The following ANO1 variants were observed in gnomAD, a reference collection of about 807,000 sequenced individuals.
The protein encoded by ANO1 is anoctamin 1, also known as anoctamin-1.
In ANO1, 59 loss-of-function variants were observed where a neutral mutation model predicts 124.0. That is an observed-to-expected ratio of 0.48 (90% confidence interval 0.39 to 0.59). The LOEUF (loss-of-function observed/expected upper bound fraction) is 0.59. Ranked by LOEUF, ANO1 falls within the 20% of genes least tolerant of loss-of-function variation. The pLI, the probability that ANO1 is intolerant of heterozygous loss-of-function variation, is 0.00. For synonymous variants in ANO1, 529 were observed against 532.0 expected (o/e 0.99, Z 0.08); for missense variants, 1,059 against 1,328.0 (o/e 0.80, Z 3.15).
chr11:70,171,607 T>G (rs1229415312), intron 22 of ANO1, among the ~76,000 whole-genome samples: 1 of 152,190 alleles, frequency 6.6e-6, no homozygotes, highest in African/African-American at 2.4e-5. Flanking sequence ...ACCCCGTCAC[T>G]AAGACACCTT....
intron 5 of ANO1, among the ~76,000 whole-genome samples, chr11:70,106,987 C>T (rs732849): frequency 0.77 from 117,531 of 152,182 alleles, 45,943 homozygotes; most frequent in Non-Finnish European, 0.82. Flanking sequence ...AGATCCGTTC[C>T]AGAAGGATCA....
At chr11:70,014,632 G>A (rs78973412) in intron 1 of ANO1, among the ~76,000 whole-genome samples, 7,667 of 152,044 alleles carry the variant, frequency 0.05, 643 homozygotes, top group African/African-American at 0.17. Flanking sequence ...CTTGGGGAAC[G>A]TCTGGGAACA....
intron 8 of ANO1, among the ~76,000 whole-genome samples, chr11:70,119,650 G>T (rs2046167545): frequency 6.6e-6 from 1 of 151,494 alleles, no homozygotes; most frequent in Non-Finnish European, 1.5e-5. Context: ...GTGGATGGGT[G>T]GATGATGGAA....
intron 1 of ANO1, among the ~76,000 whole-genome samples, chr11:70,004,247 C>A (rs896924461): frequency 6.6e-6 from 1 of 152,028 alleles, no homozygotes; most frequent in African/African-American, 2.4e-5. Flanking sequence ...TAGACGTGAG[C>A]TTTAGAGTAG....
At chr11:70,175,325 C>T (rs1463625966) in intron 22 of ANO1, among the ~76,000 whole-genome samples, 2 of 152,260 alleles carry the variant, frequency 1.3e-5, no homozygotes, top group South Asian at 2.1e-4. Context: ...CCTCCTTTCA[C>T]GAGTTTGTTT....
Position 70,149,160 on chromosome 11 carries a change from C to T in ANO1, c.1259-550C>T, listed in dbSNP as rs572228910. Among the ~76,000 whole-genome samples the T allele has an allele frequency of 2.0e-5, 3 of 152,198 alleles. No individual in the cohort carries two copies. In the South Asian group the frequency reaches 6.2e-4, roughly 32 times the overall value. On this transcript the variant is annotated intron_variant, in intron 11 of 25. Coordinates refer to ENST00000355303, the MANE Select transcript of ANO1 (RefSeq NM_018043.7). ...GATGGTTGAGGCACGGGCTCTCAGACCATGCTGCCCATCCCTCACTGACTA... is the reference window on the plus strand; with the variant it reads ...GATGGTTGAGGCACGGGCTCTCAGATCATGCTGCCCATCCCTCACTGACTA...
chr11:70,052,578 G>GTTTTTTTTT (rs1392380004), intron 1 of ANO1, among the ~76,000 whole-genome samples: 5 of 43,448 alleles, frequency 1.2e-4, no homozygotes, highest in African/African-American at 3.9e-4. Context: ...TTGAGACAGG[G>GTTTTTTTTT]TTTTTTTCTT....
chr11:70,104,251 G>C, intron 4 of ANO1, 101 bp downstream of exon 4: 1 of 1,350,590 alleles, frequency 7.4e-7, no homozygotes, highest in Non-Finnish European at 9.9e-7. Flanking sequence ...CCCCAAAGAA[G>C]AGCGTGTTCT....
intron 1 of ANO1, among the ~76,000 whole-genome samples, chr11:70,019,248 C>CG (rs1856757523): frequency 1.3e-5 from 1 of 77,136 alleles, no homozygotes; most frequent in Admixed American, 1.3e-4. Context: ...CCCCCCCACA[C>CG]ACACACACAC....
intron 1 of ANO1, among the ~76,000 whole-genome samples, chr11:70,035,041 G>A (rs1857070274): frequency 6.6e-6 from 1 of 152,038 alleles, no homozygotes; most frequent in African/African-American, 2.4e-5. Flanking sequence ...GGGACTCGGT[G>A]CTGTTAGACA....
At chr11:70,187,400 C>T (rs2049175771) in intron 25 of ANO1, among the ~76,000 whole-genome samples, 1 of 152,174 alleles carries the variant, frequency 6.6e-6, no homozygotes, top group African/African-American at 2.4e-5. Flanking sequence ...TTTCCAGTTT[C>T]ATGTTTTTCC....
chr11:70,044,515 C>T (rs1857229299), intron 1 of ANO1, among the ~76,000 whole-genome samples: 1 of 151,850 alleles, frequency 6.6e-6, no homozygotes, highest in Non-Finnish European at 1.5e-5. Context: ...TTGTAACCCA[C>T]TGAGTAAAAT....
chr11:70,017,341 C>T (rs1427776212), intron 1 of ANO1, among the ~76,000 whole-genome samples: 1 of 152,254 alleles, frequency 6.6e-6, no homozygotes, highest in East Asian at 1.9e-4. Flanking sequence ...CTTTTTCAGC[C>T]CAGAGCGTGT....
At chr11:69,976,039 C>G in the ANO1 span, among the ~76,000 whole-genome samples, 1 of 152,132 alleles carries the variant, frequency 6.6e-6, no homozygotes, top group South Asian at 2.1e-4. Context: ...TGCTCTGGGC[C>G]TTGGATGCAC....
chr11:70,078,832 C>T (rs1207691811), intron 1 of ANO1, 118 bp downstream of exon 1: 6 of 483,458 alleles, frequency 1.2e-5, no homozygotes, highest in Non-Finnish European at 5.8e-6. Context: ...GCACCCTCCG[C>T]GCAGGGTTCG....
the ANO1 span, among the ~76,000 whole-genome samples, chr11:69,975,811 C>T: frequency 0.037 from 5,594 of 152,286 alleles, 223 homozygotes; most frequent in African/African-American, 0.099. Flanking sequence ...CGCAGCTGGT[C>T]CAGAATCCCA....
chr11:70,003,603 A>ATGGGTGGGTGGGTGGGTGGG (rs369233004), intron 1 of ANO1, among the ~76,000 whole-genome samples: 1 of 74,436 alleles, frequency 1.3e-5, no homozygotes. Context: ...GGGTGGATGG[A>ATGGGTGGGTGGGTGGGTGGG]TGGATGGATG....
chr11:70,180,089 A>G, intron 23 of ANO1, 33 bp downstream of exon 23: 4 of 1,598,012 alleles, frequency 2.5e-6, no homozygotes, highest in South Asian at 1.1e-5. Flanking sequence ...GCAGAATGGA[A>G]GTCCCGGCTG....
rs1565177715 is a variant in ANO1, at chr11:70,078,665, TCAA to T, written c.62_64del (p.Asn21del). On this transcript the variant is annotated inframe_deletion, in exon 1 of 26. Coordinates refer to ENST00000355303, the MANE Select transcript of ANO1 (RefSeq NM_018043.7). ...GCCGAGGACCGCAGCGTCCACATCA[TCAA>T]CATCTGCGCCATCGAGGACATCGGC... The T allele has an allele frequency of 1.3e-6, 2 of 1,499,902 alleles. No individual in the cohort carries two copies. The highest frequency in any genetic ancestry group is 2.3e-5 in the South Asian group (2 of 86,134). 92.9% of individuals were successfully genotyped at this position (1,499,902 alleles called of 1,614,324 possible). A position where few individuals can be genotyped will look rare whatever the true frequency, so the allele number is the denominator to read the frequency against.
Sources: gnomAD v4.1 joint callset for allele counts (sites outside exome capture counted in the v4.1 genomes callset) on GRCh38, gnomAD v4.1.1 for gene constraint, MANE v1.5 for transcripts, NCBI Gene and HGNC (gene_info 2026-07-23, HGNC 2026-07-21) for gene names.